XPNPEP3: variants seen among roughly 807,000 people sequenced by gnomAD.
XPNPEP3 encodes the protein X-prolyl aminopeptidase 3.
Under a neutral mutation model 60.0 loss-of-function variants are expected in XPNPEP3, and 41 were observed. The observed-to-expected ratio is 0.68, with a 90% CI of 0.53 to 0.89. The LOEUF is 0.89. Ranked by LOEUF, XPNPEP3 falls within the 40% of genes least tolerant of loss-of-function variation. XPNPEP3 has a pLI of 0.00. For missense variants in XPNPEP3, 598 were observed against 638.9 expected (o/e 0.94, Z 0.69); for synonymous variants, 212 against 223.2 (o/e 0.95, Z 0.45).
At chr22:40,921,487 A>T (rs2058216439) in intron 7 of XPNPEP3, among the ~76,000 whole-genome samples, 1 of 120,624 alleles carries the variant, frequency 8.3e-6, no homozygotes, top group African/African-American at 3.7e-5. Context: ...CCTTGTCTCT[A>T]AAAAAAAAAA....
chr22:40,862,788 T>A, intron 1 of XPNPEP3: 1 of 982,668 alleles, frequency 1.0e-6, no homozygotes, highest in Non-Finnish European at 1.2e-6. Context: ...TGTATAATTA[T>A]TGATTGTCTA....
At chr22:40,906,585 T>C (rs925591865) in intron 4 of XPNPEP3, among the ~76,000 whole-genome samples, 2 of 152,212 alleles carry the variant, frequency 1.3e-5, no homozygotes, top group African/African-American at 4.8e-5. Context: ...TCTGGCATCC[T>C]ACATTGAACA....
rs375141744 is a variant in XPNPEP3, at chr22:40,868,505, A to G, written c.65-494A>G. On this transcript the variant is annotated intron_variant, in intron 1 of 9. Transcript: ENST00000357137. ...AAATGTCTCTGAGGGTAAAGATCTCATTTCTGTTTTCCTAAGGCCCAACAC... is the reference window on the plus strand; with the variant it reads ...AAATGTCTCTGAGGGTAAAGATCTCGTTTCTGTTTTCCTAAGGCCCAACAC... 2.4e-4 allele frequency among the ~76,000 whole-genome samples: 37 copies of G among 151,970 alleles called. 1 individual carries two copies. The East Asian group carries it at 4.8e-3, about 20-fold the overall frequency.
rs2057940935 is a variant in XPNPEP3 at position 40,861,004 on chromosome 22, A to C, written c.64+3759A>C. The C allele has an allele frequency of 5.4e-6, 8 of 1,481,950 alleles. No individual in the cohort carries two copies. The Admixed American group carries it at 1.6e-4, about 29-fold the overall frequency. 91.8% of individuals were successfully genotyped at this position (1,481,950 alleles called of 1,614,324 possible). On this transcript the variant is annotated intron_variant, in intron 1 of 9. Coordinates refer to ENST00000357137, the MANE Select transcript of XPNPEP3 (RefSeq NM_022098.4). ...TATAGTATTAAGTGTTATCTACAAA[A>C]TTTGTGATTAACCAAAACACACACA...
intron 2 of XPNPEP3, among the ~76,000 whole-genome samples, 192 bp from the exon 3 acceptor site, chr22:40,881,578 A>G (rs1341722648): frequency 1.3e-5 from 2 of 152,186 alleles, no homozygotes; most frequent in South Asian, 2.1e-4. Context: ...ACATTCAACT[A>G]TCATTTCTTC....
intron 2 of XPNPEP3, among the ~76,000 whole-genome samples, chr22:40,881,107 G>A (rs541219545): frequency 1.3e-5 from 2 of 151,816 alleles, no homozygotes; most frequent in East Asian, 1.9e-4. Context: ...GTGCAGTGGC[G>A]GGATCTTGGC....
At chr22:40,900,538 G>A (rs2058127934) in intron 4 of XPNPEP3, among the ~76,000 whole-genome samples, 2 of 151,996 alleles carry the variant, frequency 1.3e-5, no homozygotes, top group African/African-American at 2.4e-5. Context: ...CCTGGTAGGT[G>A]GAGGTTGTCA....
intron 1 of XPNPEP3, chr22:40,862,660 T>C (rs1236321542): frequency 1.0e-6 from 1 of 985,350 alleles, no homozygotes; most frequent in Non-Finnish European, 1.2e-6. Flanking sequence ...CCTGATATGT[T>C]AACTTTCTGC....
intron 3 of XPNPEP3, among the ~76,000 whole-genome samples, chr22:40,885,126 A>C (rs1448768055): frequency 6.6e-6 from 1 of 152,196 alleles, no homozygotes; most frequent in Non-Finnish European, 1.5e-5. Context: ...TTATTTTAAA[A>C]ATGAAAATAT....
chr22:40,919,712 G>A (rs538152292), intron 7 of XPNPEP3, among the ~76,000 whole-genome samples: 1 of 152,204 alleles, frequency 6.6e-6, no homozygotes, highest in South Asian at 2.1e-4. Context: ...AACAAAAAGG[G>A]TTGCACAAGG....
intron 4 of XPNPEP3, among the ~76,000 whole-genome samples, chr22:40,899,926 C>T (rs575742106): frequency 1.3e-5 from 2 of 151,398 alleles, no homozygotes; most frequent in East Asian, 3.9e-4. Flanking sequence ...ATCCCGAATA[C>T]TCGGGAGGCA....
rs770079471 is a variant in XPNPEP3 at position 40,930,504 on chromosome 22, G to A, written c.*4069G>A. 1.3e-5 allele frequency: 2 copies of A among 151,784 alleles called. No individual in the cohort carries two copies. Among genetic ancestry groups the A allele is most frequent in the African/African-American group, 4.8e-5 (2 of 41,310 alleles). 9.4% of individuals were successfully genotyped at this position (151,784 alleles called of 1,614,324 possible). On this transcript the variant is annotated 3_prime_UTR_variant, in exon 10 of 10. Coordinates refer to ENST00000357137, the MANE Select transcript of XPNPEP3 (RefSeq NM_022098.4). ...AATGATGTTTTGATACATATATAAT[G>A]ATCAGATCAGAACAATTAGCATATC...
At position 40,914,229 on chromosome 22, in the gene XPNPEP3, T is replaced by C. The variant is rs750981455; in HGVS notation, c.970-10T>C. On this transcript the variant is annotated splice_polypyrimidine_tract_variant and intron_variant, in intron 6 of 9. Transcript: ENST00000357137. Reference sequence around the variant, plus strand: ...GCTTATCCACTTTAACCTGTCTTACTTTGTTCCAGGATGGGGAAATGGTGC... The same window carrying C: ...GCTTATCCACTTTAACCTGTCTTACCTTGTTCCAGGATGGGGAAATGGTGC... 3.7e-6 allele frequency: 6 copies of C among 1,612,986 alleles called. No individual in the cohort carries two copies. The African/African-American group carries it at 6.7e-5, about 18-fold the overall frequency.
At chr22:40,917,825 T>C (rs559546055) in intron 7 of XPNPEP3, 24 of 152,100 alleles carry the variant, frequency 1.6e-4, no homozygotes, top group Middle Eastern at 3.4e-3. Flanking sequence ...ACATGCAAAT[T>C]TGTGAAGCAT....
chr22:40,912,126 A>G (rs963300596), intron 6 of XPNPEP3, among the ~76,000 whole-genome samples: 6 of 152,140 alleles, frequency 3.9e-5, no homozygotes, highest in Non-Finnish European at 7.3e-5. Flanking sequence ...TAATGGGTTT[A>G]TTTTTAAATG....
intron 4 of XPNPEP3, among the ~76,000 whole-genome samples, chr22:40,891,298 T>G (rs2058087497): frequency 6.6e-6 from 1 of 150,904 alleles, no homozygotes; most frequent in Non-Finnish European, 1.5e-5. Flanking sequence ...AAGTCAAGGC[T>G]TCAGTAAGCC....
In XPNPEP3 at chr22:40,900,476, G is replaced by A. The variant is rs570455663; in HGVS notation, c.793-7111G>A. ...AAAAAATTAGCCAGGCATGGTGGCG[G>A]GTGCCTGTAATCCCAGCTACTGGGG... On this transcript the variant is annotated intron_variant, in intron 4 of 9. Transcript: ENST00000357137. Among the ~76,000 whole-genome samples, 3 of 151,998 alleles carry A rather than the reference G, an allele frequency of 2.0e-5. No homozygotes were observed. In the East Asian group the frequency reaches 5.8e-4, roughly 30 times the overall value.
In XPNPEP3 at chr22:40,879,189, A is replaced by G. The variant is rs192957468; in HGVS notation, c.182-2581A>G. 3.7e-3 allele frequency among the ~76,000 whole-genome samples: 557 copies of G among 152,304 alleles called. 4 individuals are homozygous for G. Among genetic ancestry groups the G allele is most frequent in the Non-Finnish European group, 6.6e-3 (448 of 68,030 alleles). On this transcript the variant is annotated intron_variant, in intron 2 of 9. Transcript: ENST00000357137. ...AGCCAGCTCAATCTTGAAAGAAAAA[A>G]ATGTGATATGAGCTCTTCTTGGCCC...
chr22:40,875,956 G>A (rs1490990290), intron 2 of XPNPEP3, among the ~76,000 whole-genome samples: 1 of 152,072 alleles, frequency 6.6e-6, no homozygotes, highest in Non-Finnish European at 1.5e-5. Flanking sequence ...GGAGTCAGAG[G>A]TTGCAGTGAG....
Sources: gnomAD v4.1 joint callset for allele counts (sites outside exome capture counted in the v4.1 genomes callset) on GRCh38, gnomAD v4.1.1 for gene constraint, MANE v1.5 for transcripts, NCBI Gene and HGNC (gene_info 2026-07-23, HGNC 2026-07-21) for gene names.